Variants in MACROD2 observed in about 807,000 individuals in gnomAD.
MACROD2 encodes the protein mono-ADP ribosylhydrolase 2, also known as ADP-ribose glycohydrolase MACROD2.
Under a neutral mutation model 70.4 loss-of-function variants are expected in MACROD2, and 36 were observed. The observed-to-expected ratio is 0.51, with a 90% CI of 0.39 to 0.68. The LOEUF (loss-of-function observed/expected upper bound fraction) is 0.68, where lower values mean the gene tolerates loss of function less well. MACROD2 is among the 30% of genes least tolerant of loss of function. The pLI is 0.00. For missense variants in MACROD2, 496 were observed against 538.4 expected, an observed-to-expected ratio of 0.92 and a Z score of 0.78; for synonymous variants, 172 against 178.8, an observed-to-expected ratio of 0.96 and a Z score of 0.30.
At position 15,840,718 on chromosome 20, in the gene MACROD2, A is replaced by T. The variant is rs558548870; in HGVS notation, c.646-22027A>T. ...GCTACTGACTGTATAAATTTCTTAA[A>T]CTAGTATCAAGTAAAATATAAACAC... is the stretch of plus-strand genomic sequence containing the variant. On this transcript the variant is annotated intron_variant, in intron 8 of 17. Coordinates refer to ENST00000684519, the MANE Select transcript of MACROD2 (RefSeq NM_001351661.2). Among the ~76,000 whole-genome samples, 100 of 152,258 alleles carry T rather than the reference A, an allele frequency of 6.6e-4. 1 individual carries two copies. Among genetic ancestry groups the T allele is most frequent in the African/African-American group, 2.3e-3 (97 of 41,548 alleles).
intron 5 of MACROD2, among the ~76,000 whole-genome samples, chr20:15,137,747 C>T (rs1470097317): frequency 1.3e-5 from 2 of 151,784 alleles, no homozygotes; most frequent in East Asian, 3.9e-4. Context: ...AGGTAAGGTA[C>T]AGAAGTGTTA....
At chr20:15,972,860 T>A (rs938286722) in intron 13 of MACROD2, among the ~76,000 whole-genome samples, 4 of 151,874 alleles carry the variant, frequency 2.6e-5, no homozygotes, top group Non-Finnish European at 4.4e-5. Context: ...CAATGGAAAC[T>A]AGAAACTACA....
intron 16 of MACROD2, 152 bp downstream of exon 16, chr20:16,041,430 A>G (rs1045702018): frequency 3.2e-6 from 2 of 623,216 alleles, no homozygotes; most frequent in East Asian, 3.0e-5. Context: ...CTACAAACTA[A>G]TAAAAATGGC....
intron 15 of MACROD2, among the ~76,000 whole-genome samples, chr20:16,001,685 AT>A (rs927319295): frequency 3.9e-5 from 6 of 151,966 alleles, no homozygotes; most frequent in African/African-American, 1.4e-4. Context: ...TCAAAGGAGA[AT>A]TTTTTTTCCA....
chr20:14,611,726 G>A (rs369803621), intron 4 of MACROD2, among the ~76,000 whole-genome samples: 1 of 152,016 alleles, frequency 6.6e-6, no homozygotes, highest in Admixed American at 6.6e-5. Context: ...TGGTAAATCT[G>A]TGTAGGATTC....
chr20:15,780,753 TAG>T (rs903294161), intron 8 of MACROD2, among the ~76,000 whole-genome samples: 1 of 152,022 alleles, frequency 6.6e-6, no homozygotes, highest in Non-Finnish European at 1.5e-5. Flanking sequence ...GTGGTATCCA[TAG>T]AGAGAGAAGT....
At chr20:14,708,500 T>G (rs11908097) in intron 5 of MACROD2, among the ~76,000 whole-genome samples, 1 of 152,140 alleles carries the variant, frequency 6.6e-6, no homozygotes, top group Admixed American at 6.6e-5. Context: ...AATAAGAACA[T>G]GAAAGCAGCT....
intron 5 of MACROD2, among the ~76,000 whole-genome samples, chr20:15,103,144 AAAAC>A (rs1404791732): frequency 6.6e-6 from 1 of 152,156 alleles, no homozygotes; most frequent in Non-Finnish European, 1.5e-5. Flanking sequence ...TTTCAGGAAA[AAAAC>A]AAACAAAACA....
intron 5 of MACROD2, among the ~76,000 whole-genome samples, chr20:14,974,209 G>A (rs1485294777): frequency 6.6e-6 from 1 of 152,176 alleles, no homozygotes; most frequent in Non-Finnish European, 1.5e-5. Context: ...GTAGGGGATT[G>A]TCTCAGGGAC....
Position 13,995,531 on chromosome 20 carries a change from G to A in MACROD2, c.-233G>A. On this transcript the variant is annotated 5_prime_UTR_variant, in exon 1 of 18. Coordinates refer to ENST00000684519, the MANE Select transcript of MACROD2 (RefSeq NM_001351661.2). This position sits in a 1 kb window ranked among gnomAD's most constrained non-coding sequence, Gnocchi z 4.3. ...TGACCTAGTTGACAGGCTCTGAGGT[G>A]CTGCTGTGGCGGCGTCCGCGGGGCT... The A allele has an allele frequency of 1.6e-6, 1 of 622,192 alleles. No individual in the cohort carries two copies. Among genetic ancestry groups the A allele is most frequent in the South Asian group, 1.8e-5 (1 of 55,498 alleles). The allele number at this position is 622,192 out of a possible 1,614,324, so 38.5% of individuals were successfully genotyped here. A position where few individuals can be genotyped will look rare whatever the true frequency, so the allele number is the denominator to read the frequency against.
chr20:15,595,466 A>AATC (rs1302708992), intron 8 of MACROD2, among the ~76,000 whole-genome samples: 4 of 152,186 alleles, frequency 2.6e-5, no homozygotes, highest in Non-Finnish European at 4.4e-5. Context: ...TTGGAGAGAG[A>AATC]ATCATTTAAG....
chr20:15,474,059 T>C (rs2046991979), intron 7 of MACROD2, among the ~76,000 whole-genome samples: 1 of 152,130 alleles, frequency 6.6e-6, no homozygotes, highest in Non-Finnish European at 1.5e-5. Context: ...CTCCATAAAA[T>C]AGGAACGAGA....
intron 3 of MACROD2, among the ~76,000 whole-genome samples, chr20:14,254,688 T>G (rs549012543): frequency 1.8e-4 from 27 of 152,314 alleles, no homozygotes; most frequent in African/African-American, 6.5e-4. Context: ...CTATCCATAT[T>G]TTAGTGATTA....
chr20:15,964,918 G>T (rs941789025), intron 12 of MACROD2, among the ~76,000 whole-genome samples: 1 of 152,174 alleles, frequency 6.6e-6, no homozygotes, highest in Non-Finnish European at 1.5e-5. Flanking sequence ...CATTTCTGGA[G>T]CAAAGTTTCA....
At chr20:15,568,478 C>T (rs1160707560) in intron 8 of MACROD2, among the ~76,000 whole-genome samples, 2 of 151,984 alleles carry the variant, frequency 1.3e-5, no homozygotes. Context: ...TGCTCAGTGA[C>T]CTACACTAAC....
rs201816737 is a variant in MACROD2 at position 14,918,608 on chromosome 20, G to GTT, written c.418+233656_418+233657dup. Among the ~76,000 whole-genome samples the GTT allele has an allele frequency of 3.6e-3, 486 of 135,488 alleles. 7 individuals are homozygous for GTT. The highest frequency in any genetic ancestry group is 0.012 in the East Asian group (54 of 4,386). The allele number at this position is 135,488 out of a possible 152,430, so 88.9% of individuals were successfully genotyped here. On this transcript the variant is annotated intron_variant, in intron 5 of 17. Transcript: ENST00000684519. ...ACATTAGCCCTTTTTGTGACACTGTGTTTTTTTTGTTTTTTTTTTTTTTTC... is the reference window on the plus strand; with the variant it reads ...ACATTAGCCCTTTTTGTGACACTGTGTTTTTTTTTTGTTTTTTTTTTTTTTTC...
intron 8 of MACROD2, among the ~76,000 whole-genome samples, chr20:15,859,225 AAGGGGGGTAGGT>A (rs2064392107): frequency 6.6e-6 from 1 of 152,048 alleles, no homozygotes; most frequent in Non-Finnish European, 1.5e-5. Flanking sequence ...GAGGAAGAGG[AAGGGGGGTAGGT>A]ATACTTTCTC....
intron 16 of MACROD2, among the ~76,000 whole-genome samples, chr20:16,041,564 C>G (rs913328816): frequency 6.6e-6 from 1 of 151,932 alleles, no homozygotes; most frequent in Non-Finnish European, 1.5e-5. Flanking sequence ...GAACTGAAGT[C>G]TATCTAGTGA....
intron 6 of MACROD2, among the ~76,000 whole-genome samples, chr20:15,288,486 G>A (rs1445784956): frequency 6.6e-6 from 1 of 152,174 alleles, no homozygotes; most frequent in Non-Finnish European, 1.5e-5. Context: ...GGAGAGACTG[G>A]CATTTGAATC....
Sources: gnomAD v4.1 joint callset for allele counts (sites outside exome capture counted in the v4.1 genomes callset) on GRCh38, gnomAD v4.1.1 for gene constraint, Gnocchi (gnomAD v3.1) non-coding constraint, MANE v1.5 for transcripts, NCBI Gene and HGNC (gene_info 2026-07-23, HGNC 2026-07-21) for gene names.